The following PIGP variants were observed in gnomAD, a reference collection of about 807,000 sequenced individuals.
The protein encoded by PIGP is phosphatidylinositol N-acetylglucosaminyltransferase subunit P.
In PIGP, 12 loss-of-function variants were observed where a neutral mutation model predicts 16.9. The ratio of observed to expected loss-of-function variants is 0.71; its 90% CI spans 0.46 to 1.15. The LOEUF (loss-of-function observed/expected upper bound fraction) is 1.15. Ranked by LOEUF, PIGP falls within the 50% of genes most tolerant of loss-of-function variation. PIGP has a pLI of 0.00. For synonymous variants in PIGP, 57 were observed against 54.7 expected (o/e 1.04, Z -0.18); for missense variants, 159 against 153.5 (o/e 1.04, Z -0.19).
rs549165641 is a variant in PIGP at position 37,065,975 on chromosome 21, C to T, written c.275-263G>A. On this transcript the variant is annotated intron_variant, in intron 4 of 4. Coordinates refer to ENST00000360525, the MANE Select transcript of PIGP (RefSeq NM_153682.3). ...GCGGGCGCCTGTAGTCCCACCTACT[C>T]GGGAGGCTGAGGCAGGAGAACAGCG... 1.9e-4 allele frequency among the ~76,000 whole-genome samples: 29 copies of T among 152,102 alleles called. No homozygotes were observed. In the South Asian group the frequency reaches 5.8e-3, roughly 31 times the overall value.
At chr21:37,072,202 C>T in intron 2 of PIGP, 1 of 1,589,468 alleles carries the variant, frequency 6.3e-7, no homozygotes, top group Non-Finnish European at 8.6e-7. Flanking sequence ...AGGCTTTATC[C>T]ACTTTGCCAT....
intron 3 of PIGP, 78 bp from the exon 4 acceptor site, chr21:37,067,458 C>G: frequency 1.3e-6 from 1 of 789,798 alleles, no homozygotes; most frequent in Non-Finnish European, 2.1e-6. Context: ...ACAAAGCCAA[C>G]ATGTTTTTTA....
chr21:37,070,097 T>C (rs1411342492), intron 2 of PIGP, among the ~76,000 whole-genome samples: 1 of 152,220 alleles, frequency 6.6e-6, no homozygotes, highest in Non-Finnish European at 1.5e-5. Flanking sequence ...CTCGGCACTC[T>C]TTACTGTTAT....
At position 37,067,358 on chromosome 21, in the gene PIGP, C is replaced by T; in HGVS notation, c.178G>A (p.Val60Ile). ...PQKYWAVALP[V>I]YLLIAIVIGY... ...ATTACTATAGCAATAAGGAGGTAGA[C>T]AGGTAATGCAACTGCCCAATATCTG... The change falls in exon 4 of 5, where the codon GTC becomes ATC. Residue 60 changes from valine to isoleucine, a missense_variant. By Grantham distance (29) the Val-to-Ile change is conservative. Transcript: ENST00000360525. 1 of 1,605,122 alleles carries T rather than the reference C, an allele frequency of 6.2e-7. No homozygotes were observed. Among genetic ancestry groups the T allele is most frequent in the African/African-American group, 1.3e-5 (1 of 74,824 alleles).
chr21:37,072,306 A>G, intron 2 of PIGP, 128 bp downstream of exon 2: 1 of 1,600,812 alleles, frequency 6.2e-7, no homozygotes. Context: ...ATCCCTTCAG[A>G]TTTTCTTAAA....
Sources: allele counts gnomAD v4.1 joint callset (sites outside exome capture counted in the v4.1 genomes callset), GRCh38; gene constraint gnomAD v4.1.1; transcripts MANE v1.5; gene names NCBI Gene and HGNC (gene_info 2026-07-23, HGNC 2026-07-21).